The following RELCH variants were observed in gnomAD, a reference collection of about 807,000 sequenced individuals.
RELCH encodes RAB11 binding and LisH domain, coiled-coil and HEAT repeat containing.
In RELCH, 41 loss-of-function variants were observed where a neutral mutation model predicts 150.3. The observed-to-expected ratio is 0.27, with a 90% CI of 0.21 to 0.35. The LOEUF (loss-of-function observed/expected upper bound fraction) is 0.35, where lower values mean the gene tolerates loss of function less well. Among genes scored for constraint, RELCH ranks in the 10% least tolerant of loss-of-function variants. The pLI, the probability that RELCH is intolerant of heterozygous loss-of-function variation, is 1.00. For missense variants in RELCH, 1,092 were observed against 1,467.8 expected (o/e 0.74, Z 4.18); for synonymous variants, 478 against 531.8 (o/e 0.90, Z 1.39).
chr18:62,213,556 C>A (rs1032933803), intron 2 of RELCH, among the ~76,000 whole-genome samples: 12 of 151,822 alleles, frequency 7.9e-5, no homozygotes, highest in East Asian at 1.9e-4. Flanking sequence ...ATGGTGAAAC[C>A]CCATCTCTAC....
At chr18:62,188,189 A>G (rs1051461469) in intron 1 of RELCH, among the ~76,000 whole-genome samples, 158 bp downstream of exon 1, 1 of 152,162 alleles carries the variant, frequency 6.6e-6, no homozygotes, top group African/African-American at 2.4e-5. Flanking sequence ...AAGCAAGAGG[A>G]TCAGGCAATG....
chr18:62,224,434 CA>C (rs2148393096), intron 5 of RELCH, among the ~76,000 whole-genome samples: 1 of 152,054 alleles, frequency 6.6e-6, no homozygotes, highest in Non-Finnish European at 1.5e-5. Context: ...TGCAATAAGG[CA>C]AGAAAAAGTA....
At chr18:62,200,714 T>C (rs964984511) in intron 1 of RELCH, among the ~76,000 whole-genome samples, 2 of 152,052 alleles carry the variant, frequency 1.3e-5, no homozygotes, top group African/African-American at 4.8e-5. Context: ...GCCTTCCAAA[T>C]AATTTCAGAA....
chr18:62,209,385 G>A (rs575066131), intron 1 of RELCH, among the ~76,000 whole-genome samples: 2 of 152,178 alleles, frequency 1.3e-5, no homozygotes, highest in African/African-American at 4.8e-5. Flanking sequence ...ACAATTTGTT[G>A]AAAAAACTTC....
Position 62,261,870 on chromosome 18 carries a change from A to G in RELCH, c.2350+212A>G, listed in dbSNP as rs150615796. Among the ~76,000 whole-genome samples, 636 of 152,114 alleles carry G rather than the reference A, an allele frequency of 4.2e-3. 3 individuals are homozygous for G. The highest frequency in any genetic ancestry group is 0.015 in the African/African-American group (610 of 41,538). On this transcript the variant is annotated intron_variant, in intron 16 of 28. Transcript: ENST00000644646. The stretch of plus-strand genomic sequence containing the variant: ...TGGATAAGCCCCATTGTCTTATTTT[A>G]TAATACTTATACTTTCTTGTTGCTC...
chr18:62,247,663 C>G (rs2042488717), intron 11 of RELCH, among the ~76,000 whole-genome samples: 1 of 151,864 alleles, frequency 6.6e-6, no homozygotes, highest in Non-Finnish European at 1.5e-5. Flanking sequence ...TCCCACCTCC[C>G]AAGTAGCCAA....
chr18:62,230,020 GA>G (rs1568349522), intron 8 of RELCH, among the ~76,000 whole-genome samples: 1 of 152,088 alleles, frequency 6.6e-6, no homozygotes, highest in African/African-American at 2.4e-5. Context: ...TGGGAGCAAG[GA>G]AACTATACGG....
At chr18:62,292,022 T>G (rs2145062984) in intron 27 of RELCH, among the ~76,000 whole-genome samples, 1 of 152,290 alleles carries the variant, frequency 6.6e-6, no homozygotes, top group East Asian at 1.9e-4. Flanking sequence ...CCTCGTTTCC[T>G]CCAAATCCCT....
chr18:62,266,778 A>G, intron 19 of RELCH, 29 bp downstream of exon 19: 2 of 1,351,126 alleles, frequency 1.5e-6, no homozygotes, highest in East Asian at 2.3e-5. Context: ...ACTTTTAAAA[A>G]CAATTGCATT....
intron 13 of RELCH, among the ~76,000 whole-genome samples, chr18:62,255,892 A>G (rs2042972607): frequency 6.6e-6 from 1 of 152,130 alleles, no homozygotes; most frequent in Admixed American, 6.6e-5. Context: ...TAATCAGGGC[A>G]GTGGCACCCA....
At chr18:62,270,584 T>C (rs2043839417) in intron 20 of RELCH, among the ~76,000 whole-genome samples, 1 of 152,128 alleles carries the variant, frequency 6.6e-6, no homozygotes, top group Admixed American at 6.6e-5. Context: ...ACTAACTTAT[T>C]TATTTTGCTC....
At chr18:62,300,365 C>T (rs902705510) in intron 28 of RELCH, 70 of 152,334 alleles carry the variant, frequency 4.6e-4, no homozygotes, top group African/African-American at 1.7e-3. Flanking sequence ...TCCTTCAGGA[C>T]AGAGCTTAGA....
chr18:62,216,410 A>G (rs2040480662), intron 2 of RELCH, among the ~76,000 whole-genome samples: 1 of 152,124 alleles, frequency 6.6e-6, no homozygotes, highest in Non-Finnish European at 1.5e-5. Flanking sequence ...AGCATCAGAT[A>G]TGTTCTCATA....
At chr18:62,257,612 T>C (rs1176586826) in intron 13 of RELCH, among the ~76,000 whole-genome samples, 1 of 152,024 alleles carries the variant, frequency 6.6e-6, no homozygotes, top group East Asian at 1.9e-4. Context: ...TAGTGTGAAC[T>C]GCAAGGATTT....
intron 10 of RELCH, among the ~76,000 whole-genome samples, chr18:62,240,544 G>A (rs1462497109): frequency 2.6e-5 from 4 of 151,334 alleles, no homozygotes; most frequent in South Asian, 4.2e-4. Context: ...AAGCAACTGC[G>A]ACTACAGGTG....
intron 16 of RELCH, among the ~76,000 whole-genome samples, chr18:62,263,303 G>A (rs1836453066): frequency 6.6e-6 from 1 of 151,998 alleles, no homozygotes; most frequent in Non-Finnish European, 1.5e-5. Context: ...CTGGAGATTA[G>A]ATAGAACAGT....
intron 19 of RELCH, among the ~76,000 whole-genome samples, chr18:62,267,239 T>G (rs1348380073): frequency 5.9e-5 from 9 of 151,866 alleles, no homozygotes; most frequent in Admixed American, 5.9e-4. Flanking sequence ...CTCATCTACT[T>G]TAACGAGTCT....
intron 1 of RELCH, among the ~76,000 whole-genome samples, chr18:62,192,836 CT>C (rs1182236063): frequency 2.6e-5 from 4 of 152,090 alleles, no homozygotes; most frequent in African/African-American, 9.7e-5. Flanking sequence ...CAGCTTTGTT[CT>C]TTTTGCTGAG....
At chr18:62,259,091 C>A (rs948160000) in intron 15 of RELCH, among the ~76,000 whole-genome samples, 3 of 151,978 alleles carry the variant, frequency 2.0e-5, no homozygotes, top group Non-Finnish European at 4.4e-5. Context: ...TCCAGTAGTT[C>A]ATTTCTCATT....
Sources: allele counts gnomAD v4.1 joint callset (sites outside exome capture counted in the v4.1 genomes callset), GRCh38; gene constraint gnomAD v4.1.1; transcripts MANE v1.5; gene names NCBI Gene and HGNC (gene_info 2026-07-23, HGNC 2026-07-21).